The following SHMT2 variants were observed in gnomAD, a reference collection of about 807,000 sequenced individuals.
SHMT2 encodes the protein serine hydroxymethyltransferase, mitochondrial.
Under a neutral mutation model 59.6 loss-of-function variants are expected in SHMT2, and 38 were observed. That is an observed-to-expected ratio of 0.64 (90% CI 0.49 to 0.84). The LOEUF (loss-of-function observed/expected upper bound fraction) is 0.84, where lower values mean the gene tolerates loss of function less well. SHMT2 is among the 40% of genes least tolerant of loss of function. SHMT2 has a pLI of 0.00. For synonymous variants in SHMT2, 254 were observed against 258.1 expected (o/e 0.98, Z 0.15); for missense variants, 533 against 659.5 (o/e 0.81, Z 2.10).
Position 57,233,569 on chromosome 12 carries a change from AC to A in SHMT2, c.1035del (p.Met346CysfsTer10), listed in dbSNP as rs2037419798. 7 of 1,613,182 alleles carry A rather than the reference AC, an allele frequency of 4.3e-6. No homozygotes were observed. Among genetic ancestry groups the A allele is most frequent in the Non-Finnish European group, 5.9e-6 (7 of 1,179,524 alleles). ...GCTACTGTCTCATCTCCAGGCCTGC[AC>A]CCCCATGTTCCGGGAGTACTCCCTG... The part of the protein sequence containing the change: ...AVAVALKQAC[T>X]PMFREYSLQV... On this transcript the variant is annotated frameshift_variant, in exon 9 of 12. Transcript: ENST00000328923. LOFTEE classifies it high-confidence loss of function.
chr12:57,230,165 G>T, intron 1 of SHMT2: 1 of 1,305,048 alleles, frequency 7.7e-7, no homozygotes, highest in Non-Finnish European at 1.0e-6. Context: ...TCTGAGCCCT[G>T]CAGATGATGC....
Position 57,233,680 on chromosome 12 carries a change from G to C in SHMT2, c.1123+18G>C, listed in dbSNP as rs766753604. 1.2e-5 allele frequency: 20 copies of C among 1,613,304 alleles called. No homozygotes were observed. The South Asian group carries it at 2.1e-4, about 17-fold the overall frequency. On this transcript the variant is annotated intron_variant, in intron 9 of 11. Coordinates refer to ENST00000328923, the MANE Select transcript of SHMT2 (RefSeq NM_005412.6). ...GGTATCAGGTAAGCCAGCAGGTGATGGGTGAGGGCCTCTGTAGCTTCAGGC... is the reference window on the plus strand; with the variant it reads ...GGTATCAGGTAAGCCAGCAGGTGATCGGTGAGGGCCTCTGTAGCTTCAGGC...
chr12:57,234,626 T>A lies in SHMT2; in HGVS notation c.*265T>A. 1 of 286,736 alleles carries A rather than the reference T, an allele frequency of 3.5e-6. No individual in the cohort carries two copies. 17.8% of individuals were successfully genotyped at this position (286,736 alleles called of 1,614,324 possible). ...TGATCACAGTGTCAGAGACGCGTCC[T>A]CTTTCTTGGGGAAGTTGAGGAGTGC... On this transcript the variant is annotated 3_prime_UTR_variant, in exon 12 of 12. Transcript: ENST00000328923.
At position 57,233,348 on chromosome 12, in the gene SHMT2, TG is replaced by T. The variant is rs2037406961; in HGVS notation, c.1023+7del. On this transcript the variant is annotated splice_donor_region_variant and intron_variant, in intron 8 of 11. Coordinates refer to ENST00000328923, the MANE Select transcript of SHMT2 (RefSeq NM_005412.6). ...CAGTAGCTGTGGCCCTAAAGCAGGT[TG>T]GGGATCCTGTCTTTGTAGGGTGTGG... 2.5e-6 allele frequency: 4 copies of T among 1,590,312 alleles called. No homozygotes were observed. The Admixed American group carries it at 5.4e-5, about 22-fold the overall frequency.
At chr12:57,231,057 A>G in intron 2 of SHMT2, 57 bp downstream of exon 2, 1 of 1,530,182 alleles carries the variant, frequency 6.5e-7, no homozygotes, top group Non-Finnish European at 9.0e-7. Flanking sequence ...GAAGTAACAA[A>G]GTTATCTTAA....
At position 57,232,717 on chromosome 12, in the gene SHMT2, T is replaced by C; in HGVS notation, c.731T>C (p.Val244Ala). 6.2e-7 allele frequency: 1 copy of C among 1,608,354 alleles called. No homozygotes were observed. Among genetic ancestry groups the C allele is most frequent in the Non-Finnish European group, 8.5e-7 (1 of 1,175,396 alleles). The change falls in exon 7 of 12, where the codon GTC (valine) becomes GCC (alanine). Residue 244 changes from valine (V) to alanine (A), a missense_variant. Coordinates refer to ENST00000328923, the MANE Select transcript of SHMT2 (RefSeq NM_005412.6). ...GTACCTGCCCAGGTGTGTGATGAAG[T>C]CAAAGCACACCTGCTGGCAGACATG... is the stretch of plus-strand genomic sequence containing the variant. ...YARMREVCDE[V>A]KAHLLADMAH... is the part of the protein sequence containing the mutation.
chr12:57,232,583 G>C lies in SHMT2; in HGVS notation c.717+8G>C, dbSNP rs765603191. ...TACGCCCGCATGAGAGAGGTTGGTG[G>C]GGGGGGCTGGAGACTGGGCACCTCC... On this transcript the variant is annotated splice_region_variant and intron_variant, in intron 6 of 11. Transcript: ENST00000328923. 2.5e-6 allele frequency: 4 copies of C among 1,613,742 alleles called. No homozygotes were observed. The highest frequency in any genetic ancestry group is 3.4e-6 in the Non-Finnish European group (4 of 1,179,976).
At chr12:57,231,607 A>G (rs200146345) in intron 3 of SHMT2, 47 bp downstream of exon 3, 9 of 1,611,152 alleles carry the variant, frequency 5.6e-6, no homozygotes, top group Non-Finnish European at 5.1e-6. Context: ...CAGTGGGGGA[A>G]CCCACCTGTA....
At chr12:57,230,707 GGCA>G in intron 1 of SHMT2, 93 bp from the exon 2 acceptor site, 1 of 1,509,486 alleles carries the variant, frequency 6.6e-7, no homozygotes, top group Non-Finnish European at 8.9e-7. Flanking sequence ...CTGGACAACT[GGCA>G]GCTTGGTGTG....
chr12:57,230,718 G>A, intron 1 of SHMT2, 85 bp from the exon 2 acceptor site: 1 of 1,528,310 alleles, frequency 6.5e-7, no homozygotes, highest in Non-Finnish European at 8.8e-7. Context: ...GCAGCTTGGT[G>A]TGGCCTTAGA....
Position 57,232,737 on chromosome 12 carries a change from G to C in SHMT2, c.751G>C (p.Asp251His). 3 of 1,611,694 alleles carry C rather than the reference G, an allele frequency of 1.9e-6. No homozygotes were observed. Among genetic ancestry groups the C allele is most frequent in the Non-Finnish European group, 1.7e-6 (2 of 1,178,034 alleles). Reference protein sequence around the residue: ...CDEVKAHLLADMAHISGLVAA... With the variant: ...CDEVKAHLLAHMAHISGLVAA... Reference sequence around the variant, plus strand: ...TGAAGTCAAAGCACACCTGCTGGCAGACATGGCCCACATCAGTGGCCTGGT... The same window carrying C: ...TGAAGTCAAAGCACACCTGCTGGCACACATGGCCCACATCAGTGGCCTGGT... Residue 251 changes from aspartate (D) to histidine (H), a missense_variant, in exon 7 of 12, where the codon GAC becomes CAC. By Grantham distance (81) the Asp-to-His change is moderately conservative. Transcript: ENST00000328923.
rs757926985 is a variant in SHMT2 at position 57,233,785 on chromosome 12, G to A, written c.1160G>A (p.Arg387Gln). Residue 387 changes from arginine to glutamine, a missense_variant, in exon 10 of 12, where the codon CGG becomes CAG. Arg to Gln is a conservative substitution (Grantham distance 43, BLOSUM62 1). Coordinates refer to ENST00000328923, the MANE Select transcript of SHMT2 (RefSeq NM_005412.6). ...TDNHLVLVDL[R>Q]PKGLDGARAE... Reference sequence around the variant, plus strand: ...AACCACCTGGTGCTGGTGGACCTGCGGCCCAAGGGCCTGGATGGAGCTCGG... The same window carrying A: ...AACCACCTGGTGCTGGTGGACCTGCAGCCCAAGGGCCTGGATGGAGCTCGG... 2.0e-5 allele frequency: 32 copies of A among 1,614,078 alleles called. No homozygotes were observed. The highest frequency in any genetic ancestry group is 2.5e-5 in the Non-Finnish European group (29 of 1,180,048).
At chr12:57,232,141 G>A (rs1463786431) in intron 4 of SHMT2, 70 bp from the exon 5 acceptor site, 1 of 1,363,050 alleles carries the variant, frequency 7.3e-7, no homozygotes, top group Non-Finnish European at 1.1e-6. Flanking sequence ...AGAGAACTGT[G>A]GAGTTGAAGG....
intron 2 of SHMT2, 61 bp from the exon 3 acceptor site, chr12:57,231,420 G>A: frequency 6.5e-7 from 1 of 1,549,538 alleles, no homozygotes; most frequent in South Asian, 1.1e-5. Flanking sequence ...GGCAGGGAGG[G>A]ACTGTGGGAG....
chr12:57,232,435 G>C lies in SHMT2; in HGVS notation c.595-18G>C. On this transcript the variant is annotated intron_variant, in intron 5 of 11. Coordinates refer to ENST00000328923, the MANE Select transcript of SHMT2 (RefSeq NM_005412.6). ...CTGCTTCCTTCTCAGGGCTTTAGCT[G>C]TTTGTGTGTCTGTCCAGCCCAAAAC... 1 of 1,614,158 alleles carries C rather than the reference G, an allele frequency of 6.2e-7. No homozygotes were observed. Among genetic ancestry groups the C allele is most frequent in the Non-Finnish European group, 8.5e-7 (1 of 1,180,008 alleles).
At chr12:57,232,327 C>G (rs1168270374) in intron 5 of SHMT2, 35 bp downstream of exon 5, 1 of 1,612,432 alleles carries the variant, frequency 6.2e-7, no homozygotes, top group Non-Finnish European at 8.5e-7. Flanking sequence ...GGGCTCTTGG[C>G]CCTGGTGGTG....
At position 57,231,714 on chromosome 12, in the gene SHMT2, T is replaced by C. The variant is rs150389862; in HGVS notation, c.313T>C (p.Tyr105His). The C allele has an allele frequency of 1.4e-5, 22 of 1,613,924 alleles. No individual in the cohort carries two copies. The highest frequency in any genetic ancestry group is 1.8e-5 in the Non-Finnish European group (21 of 1,180,014). The change falls in exon 4 of 12, where the codon TAC becomes CAC. Residue 105 changes from tyrosine to histidine, a missense_variant and splice_region_variant. Coordinates refer to ENST00000328923, the MANE Select transcript of SHMT2 (RefSeq NM_005412.6). Reference sequence around the variant, plus strand: ...CTCATTACCCCTCTCCCACGGCAGATACTATGGGGGAGCAGAGGTGGTGGA... The same window carrying C: ...CTCATTACCCCTCTCCCACGGCAGACACTATGGGGGAGCAGAGGTGGTGGA... Reference protein sequence around the residue: ...KYSEGYPGKRYYGGAEVVDEI... With the variant: ...KYSEGYPGKRHYGGAEVVDEI...
rs757740427 is a variant in SHMT2 at position 57,232,479 on chromosome 12, C to G, written c.621C>G (p.Asn207Lys). 1 of 1,614,230 alleles carries G rather than the reference C, an allele frequency of 6.2e-7. No individual in the cohort carries two copies. Among genetic ancestry groups the G allele is most frequent in the Non-Finnish European group, 8.5e-7 (1 of 1,180,026 alleles). ...LNPKTGLIDY[N>K]QLALTARLFR... is the part of the protein sequence containing the mutation. The stretch of plus-strand genomic sequence containing the variant: ...CCAAAACTGGCCTCATTGACTACAA[C>G]CAGCTGGCACTGACTGCTCGACTTT... The change falls in exon 6 of 12, where the codon AAC becomes AAG. Residue 207 changes from asparagine (N) to lysine (K), a missense_variant. Physicochemically the swap from Asn to Lys is moderately conservative, Grantham distance 94. Coordinates refer to ENST00000328923, the MANE Select transcript of SHMT2 (RefSeq NM_005412.6).
rs2037236814 is a variant in SHMT2, at chr12:57,229,754, GACC to G, written c.-24_-22del. On this transcript the variant is annotated 5_prime_UTR_variant, in exon 1 of 12. Coordinates refer to ENST00000328923, the MANE Select transcript of SHMT2 (RefSeq NM_005412.6). The stretch of plus-strand genomic sequence containing the variant: ...TGCCCTAGACCAGAGTTGGTGGCTG[GACC>G]TCCTGCGACTTCCGAGTTGCGATGC... The G allele has an allele frequency of 4.3e-6, 7 of 1,613,992 alleles. No homozygotes were observed. Among genetic ancestry groups the G allele is most frequent in the Admixed American group, 1.7e-5 (1 of 59,998 alleles).
Sources: allele counts gnomAD v4.1 joint callset, GRCh38; gene constraint gnomAD v4.1.1; transcripts MANE v1.5; gene names NCBI Gene and HGNC (gene_info 2026-07-23, HGNC 2026-07-21).